PCDHA1: variants seen among roughly 807,000 people sequenced by gnomAD.
PCDHA1 encodes the protein protocadherin alpha-1.
A neutral mutation model predicts 61.3 loss-of-function variants in PCDHA1; 42 were observed. The observed-to-expected ratio is 0.69, with a 90% confidence interval of 0.54 to 0.89. The LOEUF (loss-of-function observed/expected upper bound fraction) is 0.89, where lower values mean the gene tolerates loss of function less well. Among genes scored for constraint, PCDHA1 ranks in the 40% least tolerant of loss-of-function variants. The pLI is 0.00. For missense variants in PCDHA1, 1,256 were observed against 1,235.3 expected, an observed-to-expected ratio of 1.02 and a Z score of -0.25; for synonymous variants, 610 against 553.8, an observed-to-expected ratio of 1.10 and a Z score of -1.43.
rs2098417657 is a variant in PCDHA1, at chr5:141,010,566, C to T, written c.*629C>T. 3.4e-6 allele frequency: 1 copy of T among 290,180 alleles called. No individual in the cohort carries two copies. The highest frequency in any genetic ancestry group is 6.5e-6 in the Non-Finnish European group (1 of 154,226). The allele number at this position is 290,180 out of a possible 1,614,324, so 18.0% of individuals were successfully genotyped here. ...GACAAAACTACCCCCACTGACAAGG[C>T]TTTAGGAGACCCTAAAGTCTGTTGG... On this transcript the variant is annotated 3_prime_UTR_variant, in exon 4 of 4. Coordinates refer to ENST00000504120, the MANE Select transcript of PCDHA1 (RefSeq NM_018900.4).
At chr5:140,899,269 A>C (rs1301807291) in intron 1 of PCDHA1, among the ~76,000 whole-genome samples, 2 of 152,260 alleles carry the variant, frequency 1.3e-5, no homozygotes, top group East Asian at 3.9e-4. Context: ...GTCTTGTGGC[A>C]GTTTTCAAAG....
chr5:140,859,320 G>A (rs1374549537), intron 1 of PCDHA1: 1 of 128,738 alleles, frequency 7.8e-6, no homozygotes, highest in African/African-American at 2.7e-5. Context: ...TTAAAAGTTT[G>A]AGGAGAAAAT....
At position 140,968,504 on chromosome 5, in the gene PCDHA1, C is replaced by T. The variant is rs147528189; in HGVS notation, c.2395-10445C>T. 58 of 1,614,064 alleles carry T rather than the reference C, an allele frequency of 3.6e-5. No individual in the cohort carries two copies. In the African/African-American group the frequency reaches 6.7e-4, roughly 19 times the overall value. ...CATGAATGACCATGCCCCTCACATT[C>T]TGTACCCTACCTCAACCAACTCGTC... On this transcript the variant is annotated intron_variant, in intron 1 of 3. Transcript: ENST00000504120.
chr5:140,802,859 C>T (rs781937723), intron 1 of PCDHA1: 2 of 1,612,912 alleles, frequency 1.2e-6, no homozygotes, highest in Admixed American at 1.7e-5. Flanking sequence ...TGCAGGTGTT[C>T]GTGCTGGACG....
At chr5:140,797,367 T>G in intron 1 of PCDHA1, 2 of 1,608,564 alleles carry the variant, frequency 1.2e-6, no homozygotes, top group Non-Finnish European at 1.7e-6. Context: ...GTCTTTTACT[T>G]TTTCTTGCCA....
intron 1 of PCDHA1, among the ~76,000 whole-genome samples, chr5:140,952,297 C>G (rs2094716383): frequency 6.7e-6 from 1 of 149,532 alleles, no homozygotes; most frequent in South Asian, 2.1e-4. Context: ...TTCTCACAGC[C>G]ATTTCACTCC....
In PCDHA1 at chr5:140,848,788, G is replaced by A. The variant is rs2150420579; in HGVS notation, c.2394+60104G>A. 23 of 1,593,058 alleles carry A rather than the reference G, an allele frequency of 1.4e-5. 3 individuals are homozygous for A. Among genetic ancestry groups the A allele is most frequent in the African/African-American group, 1.3e-5 (1 of 74,170 alleles). On this transcript the variant is annotated intron_variant, in intron 1 of 3. Coordinates refer to ENST00000504120, the MANE Select transcript of PCDHA1 (RefSeq NM_018900.4). ...ATCGACCGCGAGGAGCTGTGCGGGCGGAGCGCGGAGTGCAGCATCCACCTG... is the reference window on the plus strand; with the variant it reads ...ATCGACCGCGAGGAGCTGTGCGGGCAGAGCGCGGAGTGCAGCATCCACCTG...
At chr5:140,857,046 G>T in intron 1 of PCDHA1, 1 of 1,595,844 alleles carries the variant, frequency 6.3e-7, no homozygotes, top group Non-Finnish European at 8.6e-7. Flanking sequence ...GTTGGTCACT[G>T]CACGGTCCTA....
chr5:140,841,818 C>G, intron 1 of PCDHA1: 1 of 1,613,912 alleles, frequency 6.2e-7, no homozygotes, highest in African/African-American at 1.3e-5. Context: ...GGAGCTAACT[C>G]CGTGTTAACC....
intron 1 of PCDHA1, chr5:140,812,933 A>G (rs1476757197): frequency 6.6e-6 from 1 of 152,170 alleles, no homozygotes; most frequent in African/African-American, 2.4e-5. Flanking sequence ...TAATTTCTAC[A>G]TATTTGCAGA....
At chr5:140,851,302 A>G (rs2042019677) in intron 1 of PCDHA1, 4 of 1,013,018 alleles carry the variant, frequency 3.9e-6, no homozygotes, top group Non-Finnish European at 3.7e-6. Context: ...AAAAATATAT[A>G]GCAATTGTTA....
intron 3 of PCDHA1, among the ~76,000 whole-genome samples, chr5:141,001,514 C>A (rs2098022369): frequency 6.6e-6 from 1 of 152,210 alleles, no homozygotes; most frequent in Admixed American, 6.5e-5. Flanking sequence ...GCTTAGCTTT[C>A]TCCCTCTCTC....
rs2150132919 is a variant in PCDHA1, at chr5:140,824,166, A to G, written c.2394+35482A>G. 16 of 1,610,082 alleles carry G rather than the reference A, an allele frequency of 9.9e-6. No homozygotes were observed. The South Asian group carries it at 1.8e-4, about 18-fold the overall frequency. ...TATTAACATCCATCTTTCCCTCCCA[A>G]TTTTCAAATATTAAATGTCACATTC... is the stretch of plus-strand genomic sequence containing the variant. On this transcript the variant is annotated intron_variant, in intron 1 of 3. Transcript: ENST00000504120.
rs2041539059 is a variant in PCDHA1, at chr5:140,850,345, G to A, written c.2394+61661G>A. On this transcript the variant is annotated intron_variant, in intron 1 of 3. Transcript: ENST00000504120. ...TACGAGCTGCAGCCAGAAACGGCCA[G>A]CGCGAGCATCCCGTTCCGCGTGGGG... 5.0e-6 allele frequency: 8 copies of A among 1,597,746 alleles called. 1 individual carries two copies. Among genetic ancestry groups the A allele is most frequent in the Non-Finnish European group, 6.9e-6 (8 of 1,167,738 alleles).
At chr5:140,883,974 G>A (rs782820820) in intron 1 of PCDHA1, 6 of 1,612,844 alleles carry the variant, frequency 3.7e-6, no homozygotes, top group African/African-American at 2.7e-5. Flanking sequence ...CTGACGCCCG[G>A]GGCTGGCAGC....
intron 1 of PCDHA1, chr5:140,830,076 C>T (rs2150180752): frequency 3.8e-5 from 61 of 1,613,536 alleles, no homozygotes; most frequent in Non-Finnish European, 4.8e-5. Context: ...CTGACAGCGA[C>T]GGCCACGGTT....
At chr5:140,923,020 G>A (rs946669637) in intron 1 of PCDHA1, among the ~76,000 whole-genome samples, 6 of 152,228 alleles carry the variant, frequency 3.9e-5, no homozygotes, top group Admixed American at 1.3e-4. Context: ...CTGCAGTTTC[G>A]GACTCTATTA....
At chr5:140,837,003 A>T (rs1386958207) in intron 1 of PCDHA1, 2 of 326,856 alleles carry the variant, frequency 6.1e-6, no homozygotes, top group Admixed American at 8.8e-5. Flanking sequence ...AACTGGAGCA[A>T]TGGATTCACC....
rs2150361317 is a variant in PCDHA1, at chr5:140,843,502, C to A, written c.2394+54818C>A. The A allele has an allele frequency of 3.1e-6, 5 of 1,595,926 alleles. 1 individual carries two copies. The highest frequency in any genetic ancestry group is 4.3e-6 in the Non-Finnish European group (5 of 1,165,570). On this transcript the variant is annotated intron_variant, in intron 1 of 3. Transcript: ENST00000504120. ...CTGCGCTGCGGTGCTCAGCACTGCC[C>A]ACTGAGGGCGGGTGCCGGGCGGGCA...
Sources: allele counts gnomAD v4.1 joint callset (sites outside exome capture counted in the v4.1 genomes callset), GRCh38; gene constraint gnomAD v4.1.1; transcripts MANE v1.5; gene names NCBI Gene and HGNC (gene_info 2026-07-23, HGNC 2026-07-21).